The following TNFRSF13B variants were observed in gnomAD, a reference collection of about 807,000 sequenced individuals.
The protein encoded by TNFRSF13B is tumor necrosis factor receptor superfamily member 13B.
In TNFRSF13B, 34 loss-of-function variants were observed where a neutral mutation model predicts 24.0. The observed-to-expected ratio is 1.41, with a 90% CI of 1.08 to 1.88. TNFRSF13B has a LOEUF of 1.88. Ranked by LOEUF, TNFRSF13B falls within the 40% of genes most tolerant of loss-of-function variation. The pLI, the probability that TNFRSF13B is intolerant of heterozygous loss-of-function variation, is 0.00. For missense variants in TNFRSF13B, 415 were observed against 380.8 expected, an observed-to-expected ratio of 1.09 and a Z score of -0.75; for synonymous variants, 173 against 150.3, an observed-to-expected ratio of 1.15 and a Z score of -1.10.
chr17:16,954,964 A>G (rs1242993506), intron 1 of TNFRSF13B, among the ~76,000 whole-genome samples: 1 of 152,206 alleles, frequency 6.6e-6, no homozygotes, highest in African/African-American at 2.4e-5. Flanking sequence ...TGTGGCAACC[A>G]GGTTTTTAAA....
intron 1 of TNFRSF13B, among the ~76,000 whole-genome samples, chr17:16,963,717 T>C (rs1255169649): frequency 6.6e-6 from 1 of 152,000 alleles, no homozygotes; most frequent in Non-Finnish European, 1.5e-5. Flanking sequence ...GCCTGGCTAA[T>C]TTTTTTGTAT....
At chr17:16,967,781 GAAAA>G (rs797020481) in intron 1 of TNFRSF13B, among the ~76,000 whole-genome samples, 4 of 118,434 alleles carry the variant, frequency 3.4e-5, no homozygotes, top group African/African-American at 1.3e-4. Flanking sequence ...AAGAAAGAAA[GAAAA>G]AAAAAAGAAA....
At chr17:16,941,489 G>C in intron 3 of TNFRSF13B, 1 of 987,666 alleles carries the variant, frequency 1.0e-6, no homozygotes, top group Non-Finnish European at 1.2e-6. Context: ...TGGGTGGAAA[G>C]ACAGATGAGC....
rs137904854 is a variant in TNFRSF13B at position 16,956,910 on chromosome 17, C to T, written c.62-4327G>A. Among the ~76,000 whole-genome samples the T allele has an allele frequency of 5.9e-3, 903 of 152,254 alleles. 7 individuals carry two copies. The highest frequency in any genetic ancestry group is 0.024 in the Middle Eastern group (7 of 294). On this transcript the variant is annotated intron_variant, in intron 1 of 4. Coordinates refer to ENST00000261652, the MANE Select transcript of TNFRSF13B (RefSeq NM_012452.3). ...GAGGATTTTTAGGGCAGTGAAGCTA[C>T]TCTGCAAGATACTCCGATGGTGGAC... is the stretch of plus-strand genomic sequence containing the variant.
At chr17:16,963,275 G>C (rs914109232) in intron 1 of TNFRSF13B, among the ~76,000 whole-genome samples, 1 of 152,210 alleles carries the variant, frequency 6.6e-6, no homozygotes, top group African/African-American at 2.4e-5. Flanking sequence ...ATGATAAGGA[G>C]TGCTGTGCTG....
intron 1 of TNFRSF13B, among the ~76,000 whole-genome samples, chr17:16,960,734 G>GA (rs551666698): frequency 1.6e-3 from 244 of 152,210 alleles, no homozygotes; most frequent in Non-Finnish European, 3.1e-3. Context: ...GCAATGAAAG[G>GA]AAAAAATTAG....
At chr17:16,942,440 G>A (rs1344455629) in intron 3 of TNFRSF13B, among the ~76,000 whole-genome samples, 1 of 152,148 alleles carries the variant, frequency 6.6e-6, no homozygotes, top group Non-Finnish European at 1.5e-5. Context: ...GACATTTACA[G>A]GGGGGAGATG....
chr17:16,952,301 A>C (rs930519871), intron 2 of TNFRSF13B, 145 bp downstream of exon 2: 2 of 1,193,520 alleles, frequency 1.7e-6, no homozygotes, highest in Non-Finnish European at 2.4e-6. Context: ...CCAAAGCAGA[A>C]AGGTGGAGGG....
chr17:16,941,278 G>A (rs1461781156), intron 3 of TNFRSF13B: 10 of 987,626 alleles, frequency 1.0e-5, no homozygotes, highest in South Asian at 9.4e-5. Flanking sequence ...GACAGGCGAC[G>A]TTACACTGAG....
chr17:16,941,989 G>A (rs896404973), intron 3 of TNFRSF13B, among the ~76,000 whole-genome samples: 2 of 152,164 alleles, frequency 1.3e-5, no homozygotes, highest in Admixed American at 1.3e-4. Flanking sequence ...ATCTGTTTAC[G>A]CATTCAACAG....
chr17:16,957,265 C>G (rs892719214), intron 1 of TNFRSF13B, among the ~76,000 whole-genome samples: 1 of 148,768 alleles, frequency 6.7e-6, no homozygotes, highest in Non-Finnish European at 1.5e-5. Flanking sequence ...AGGGAACTAT[C>G]GCAAATTTAA....
rs543779561 is a variant in TNFRSF13B, at chr17:16,955,044, G to A, written c.62-2461C>T. 2.7e-4 allele frequency among the ~76,000 whole-genome samples: 41 copies of A among 152,288 alleles called. No individual in the cohort carries two copies. In the East Asian group the frequency reaches 7.5e-3, roughly 28 times the overall value. ...TCTGCTCTGGGAAAACAGACCCAAAGGAAAAGACCCAGAGGCACTGACAGC... is the reference window on the plus strand; with the variant it reads ...TCTGCTCTGGGAAAACAGACCCAAAAGAAAAGACCCAGAGGCACTGACAGC... On this transcript the variant is annotated intron_variant, in intron 1 of 4. Transcript: ENST00000261652.
intron 1 of TNFRSF13B, among the ~76,000 whole-genome samples, chr17:16,969,759 T>C (rs2087730694): frequency 6.6e-6 from 1 of 152,186 alleles, no homozygotes; most frequent in African/African-American, 2.4e-5. Flanking sequence ...GAAAAGACTT[T>C]CTATTATATA....
intron 4 of TNFRSF13B, 77 bp downstream of exon 4, chr17:16,940,249 T>C: frequency 6.2e-7 from 1 of 1,610,986 alleles, no homozygotes; most frequent in Non-Finnish European, 8.5e-7. Flanking sequence ...GCAGGGGCAG[T>C]GACAGGACCG....
Position 16,940,419 on chromosome 17 carries a change from C to A in TNFRSF13B, c.538G>T (p.Val180Leu). 6.2e-7 allele frequency: 1 copy of A among 1,614,076 alleles called. No individual in the cohort carries two copies. Among genetic ancestry groups the A allele is most frequent in the Non-Finnish European group, 8.5e-7 (1 of 1,180,028 alleles). ...CLCAVLCCFL[V>L]AVACFLKKRG... ...TTCTTGAGGAAGCAGGCCACCGCCA[C>A]CAGGAAGCAGCAGAGGACGGCACAC... Residue 180 changes from valine to leucine, a missense_variant, in exon 4 of 5, where the codon GTG (valine) becomes TTG (leucine). Coordinates refer to ENST00000261652, the MANE Select transcript of TNFRSF13B (RefSeq NM_012452.3).
At position 16,940,488 on chromosome 17, in the gene TNFRSF13B, C is replaced by T. The variant is rs765485513; in HGVS notation, c.469G>A (p.Ala157Thr). Residue 157 changes from alanine (A) to threonine (T), a missense_variant, in exon 4 of 5, where the codon GCA becomes ACA. Ala to Thr is a moderately conservative substitution (Grantham distance 58, BLOSUM62 0). Transcript: ENST00000261652. ...SPALPGLKLS[A>T]DQVALVYSTL... ...CTGTAGACCAGGGCCACCTGATCTGCACTCAGCTTCAGCCCCGGGAGAGCT... is the reference window on the plus strand; with the variant it reads ...CTGTAGACCAGGGCCACCTGATCTGTACTCAGCTTCAGCCCCGGGAGAGCT... 8.1e-6 allele frequency: 13 copies of T among 1,613,750 alleles called. No homozygotes were observed. The highest frequency in any genetic ancestry group is 1.1e-5 in the Non-Finnish European group (13 of 1,180,026).
chr17:16,958,471 T>A (rs891516491), intron 1 of TNFRSF13B, among the ~76,000 whole-genome samples: 2 of 151,926 alleles, frequency 1.3e-5, no homozygotes, highest in Non-Finnish European at 1.5e-5. Flanking sequence ...ATATTCAGTG[T>A]ATAAGAGACT....
At chr17:16,953,848 C>T (rs745644234) in intron 1 of TNFRSF13B, among the ~76,000 whole-genome samples, 1 of 152,144 alleles carries the variant, frequency 6.6e-6, no homozygotes, top group Non-Finnish European at 1.5e-5. Context: ...TGGCTCACAG[C>T]AACCTCCACC....
chr17:16,960,249 C>T, intron 1 of TNFRSF13B, among the ~76,000 whole-genome samples: 1 of 152,070 alleles, frequency 6.6e-6, no homozygotes, highest in East Asian at 1.9e-4. Context: ...TAGAAAGTAA[C>T]TTTCCTATCA....
Sources: gnomAD v4.1 joint callset for allele counts (sites outside exome capture counted in the v4.1 genomes callset) on GRCh38, gnomAD v4.1.1 for gene constraint, MANE v1.5 for transcripts, NCBI Gene and HGNC (gene_info 2026-07-23, HGNC 2026-07-21) for gene names.